The following COL11A1 variants were observed in gnomAD, a reference collection of about 807,000 sequenced individuals.
COL11A1 encodes the protein collagen type XI alpha 1 chain.
In COL11A1, 74 loss-of-function variants were observed where a neutral mutation model predicts 265.2. The observed-to-expected ratio is 0.28, with a 90% CI of 0.23 to 0.34. The LOEUF is 0.34. Among genes scored for constraint, COL11A1 ranks in the 10% least tolerant of loss-of-function variants. COL11A1 has a pLI of 1.00. For missense variants in COL11A1, 2,165 were observed against 2,263.6 expected, an observed-to-expected ratio of 0.96 and a Z score of 0.88; for synonymous variants, 816 against 727.6, an observed-to-expected ratio of 1.12 and a Z score of -1.96.
intron 41 of COL11A1, among the ~76,000 whole-genome samples, chr1:102,951,983 C>T (rs889660045): frequency 3.3e-5 from 5 of 151,630 alleles, no homozygotes; most frequent in African/African-American, 4.8e-5. Context: ...AAATTTATAC[C>T]GAAGTATGTT....
At chr1:102,914,546 G>T (rs1317152480) in intron 51 of COL11A1, 141 bp from the exon 52 acceptor site, 6 of 1,030,200 alleles carry the variant, frequency 5.8e-6, no homozygotes, top group Admixed American at 4.7e-5. Flanking sequence ...AATTTCTAAA[G>T]AATTAATTCA....
rs1654772111 is a variant in COL11A1 at position 102,912,223 on chromosome 1, T to G, written c.4033-11A>C. 1 of 1,602,168 alleles carries G rather than the reference T, an allele frequency of 6.2e-7. No individual in the cohort carries two copies. Among genetic ancestry groups the G allele is most frequent in the Admixed American group, 1.7e-5 (1 of 57,770 alleles). The stretch of plus-strand genomic sequence containing the variant: ...TGGGCCAGGAGGACCCTATAAAATG[T>G]GAAAAAATACCTTTAACAAAATTGG... On this transcript the variant is annotated splice_polypyrimidine_tract_variant and intron_variant, in intron 53 of 66. Coordinates refer to ENST00000370096, the MANE Select transcript of COL11A1 (RefSeq NM_001854.4).
chr1:102,937,681 C>A (rs1023952408), intron 44 of COL11A1, among the ~76,000 whole-genome samples: 1 of 152,122 alleles, frequency 6.6e-6, no homozygotes, highest in African/African-American at 2.4e-5. Flanking sequence ...CCCGGTTCCC[C>A]TTTGAACTTC....
At chr1:103,034,911 T>A (rs570522374) in intron 4 of COL11A1, among the ~76,000 whole-genome samples, 3 of 152,280 alleles carry the variant, frequency 2.0e-5, no homozygotes, top group South Asian at 4.1e-4. Flanking sequence ...GTGATTTCCT[T>A]GAAGTAATTC....
chr1:102,951,095 C>T (rs960550129), intron 41 of COL11A1, among the ~76,000 whole-genome samples: 27 of 152,204 alleles, frequency 1.8e-4, no homozygotes, highest in Non-Finnish European at 1.3e-4. Context: ...TATCTAGTCT[C>T]GGGCAGTTCT....
intron 4 of COL11A1, among the ~76,000 whole-genome samples, chr1:103,036,894 C>A (rs1157956590): frequency 1.3e-5 from 2 of 152,016 alleles, no homozygotes; most frequent in African/African-American, 4.8e-5. Flanking sequence ...TGGGTTTATA[C>A]TATAGTGTTT....
chr1:102,973,939 C>T (rs768932994), intron 36 of COL11A1, among the ~76,000 whole-genome samples: 1 of 152,172 alleles, frequency 6.6e-6, no homozygotes, highest in Non-Finnish European at 1.5e-5. Flanking sequence ...TAGTATTGTT[C>T]ATCTGGACTA....
chr1:102,910,633 C>T (rs1445242071), intron 54 of COL11A1, among the ~76,000 whole-genome samples: 2 of 151,918 alleles, frequency 1.3e-5, no homozygotes, highest in Non-Finnish European at 2.9e-5. Context: ...AATAACTATG[C>T]CATAACTCAG....
At chr1:103,030,083 C>T (rs1458360518) in intron 5 of COL11A1, among the ~76,000 whole-genome samples, 1 of 151,984 alleles carries the variant, frequency 6.6e-6, no homozygotes, top group Non-Finnish European at 1.5e-5. Flanking sequence ...TTATCTATCA[C>T]TTCAGAATTC....
chr1:102,887,107 G>A (rs1053737936), intron 62 of COL11A1, 51 bp from the exon 63 acceptor site: 9 of 1,607,850 alleles, frequency 5.6e-6, no homozygotes, highest in African/African-American at 1.3e-5. Context: ...GGAATATTCT[G>A]CAGATATTAA....
rs1266404176 is a variant in COL11A1 at position 102,879,793 on chromosome 1, C to T, written c.5164G>A (p.Asp1722Asn). 6.2e-7 allele frequency: 1 copy of T among 1,613,862 alleles called. No individual in the cohort carries two copies. Among genetic ancestry groups the T allele is most frequent in the Non-Finnish European group, 8.5e-7 (1 of 1,179,924 alleles). The change falls in exon 66 of 67, where the codon GAT (aspartate) becomes AAT (asparagine). Residue 1722 changes from aspartate (D) to asparagine (N), a missense_variant. By Grantham distance (23) the Asp-to-Asn change is conservative. Coordinates refer to ENST00000370096, the MANE Select transcript of COL11A1 (RefSeq NM_001854.4). ...YHCHQSAAWYDVSSGSYDKAL... is the reference protein window; with the variant it reads ...YHCHQSAAWYNVSSGSYDKAL... ...TTGTCATAACTTCCTGATGACACAT[C>T]ATACCAGGCTGCTGACTGATGACAG...
intron 53 of COL11A1, among the ~76,000 whole-genome samples, chr1:102,913,302 A>G (rs1309542945): frequency 6.6e-6 from 1 of 152,184 alleles, no homozygotes; most frequent in Non-Finnish European, 1.5e-5. Context: ...AACTTTTGCT[A>G]ATGATAGGAA....
chr1:103,053,000 T>C (rs1198435817), intron 4 of COL11A1, among the ~76,000 whole-genome samples: 1 of 152,172 alleles, frequency 6.6e-6, no homozygotes, highest in Non-Finnish European at 1.5e-5. Context: ...AGGCTAATAA[T>C]AGACCTTAAA....
intron 9 of COL11A1, among the ~76,000 whole-genome samples, chr1:103,021,322 T>C (rs914046173): frequency 1.3e-5 from 2 of 152,068 alleles, no homozygotes; most frequent in Non-Finnish European, 2.9e-5. Flanking sequence ...TGTGAAGTCA[T>C]AGAGATTAGA....
Position 103,108,498 on chromosome 1 carries a change from C to T in COL11A1, c.-320G>A. ...ACCAACAAGCTGAGAGTACTGTGTG[C>T]CCCTAAAGGCTTCATGCCGTCAGTG... On this transcript the variant is annotated 5_prime_UTR_variant, in exon 1 of 67. Coordinates refer to ENST00000370096, the MANE Select transcript of COL11A1 (RefSeq NM_001854.4). The T allele has an allele frequency of 1.7e-6, 1 of 575,054 alleles. No individual in the cohort carries two copies. The highest frequency in any genetic ancestry group is 3.1e-6 in the Non-Finnish European group (1 of 324,876). The allele number at this position is 575,054 out of a possible 1,614,324, so 35.6% of individuals were successfully genotyped here.
intron 11 of COL11A1, among the ~76,000 whole-genome samples, chr1:103,017,276 GA>G (rs1316898046): frequency 1.3e-5 from 2 of 152,032 alleles, no homozygotes; most frequent in African/African-American, 4.8e-5. Flanking sequence ...GTAATTATAT[GA>G]AAAGTATAAG....
Position 103,082,660 on chromosome 1 carries a change from G to T in COL11A1, c.274+145C>A, listed in dbSNP as rs115125690. ...GGTATTTGGTGTCTGATATAAGAAA[G>T]AATTGCATTTTACCATATAATTGCA... is the stretch of plus-strand genomic sequence containing the variant. On this transcript the variant is annotated intron_variant, in intron 2 of 66. Coordinates refer to ENST00000370096, the MANE Select transcript of COL11A1 (RefSeq NM_001854.4). The T allele has an allele frequency of 3.1e-3, 2,184 of 708,238 alleles. 32 individuals carry two copies. In the African/African-American group the frequency reaches 0.036, roughly 12 times the overall value. 43.9% of individuals were successfully genotyped at this position (708,238 alleles called of 1,614,324 possible). A position where few individuals can be genotyped will look rare whatever the true frequency, so the allele number is the denominator to read the frequency against.
At chr1:102,955,060 T>G (rs1660240516) in intron 41 of COL11A1, among the ~76,000 whole-genome samples, 1 of 152,146 alleles carries the variant, frequency 6.6e-6, no homozygotes, top group Admixed American at 6.5e-5. Context: ...TACATTTATC[T>G]CATCCCTAGT....
Position 102,996,002 on chromosome 1 carries a change from G to C in COL11A1, c.2282C>G (p.Pro761Arg). 1 of 1,613,342 alleles carries C rather than the reference G, an allele frequency of 6.2e-7. No individual in the cohort carries two copies. Among genetic ancestry groups the C allele is most frequent in the Non-Finnish European group, 8.5e-7 (1 of 1,179,588 alleles). ...ATTTAACGTTACCTTTACTCCCCGG[G>C]GGCCCGGGTATCCAATAGGACCTTG... ...GPQGPIGYPG[P>R]RGVKGADGVR... The change falls in exon 27 of 67, where the codon CCC (proline) becomes CGC (arginine). Residue 761 changes from proline (P) to arginine (R), a missense_variant. Coordinates refer to ENST00000370096, the MANE Select transcript of COL11A1 (RefSeq NM_001854.4).
Sources: gnomAD v4.1 joint callset for allele counts (sites outside exome capture counted in the v4.1 genomes callset) on GRCh38, gnomAD v4.1.1 for gene constraint, MANE v1.5 for transcripts, NCBI Gene and HGNC (gene_info 2026-07-23, HGNC 2026-07-21) for gene names.